Variants in GNAS-AS1 observed in about 807,000 individuals in gnomAD.
GNAS-AS1 encodes the protein GNAS antisense RNA 1.
chr20:58,833,023 G>A (rs534939349), intron 4 of GNAS-AS1, among the ~76,000 whole-genome samples: 3 of 152,246 alleles, frequency 2.0e-5, no homozygotes, highest in Non-Finnish European at 4.4e-5. Flanking sequence ...CAGGGACCCT[G>A]CACCATCTCC....
At position 58,830,449 on chromosome 20, in the gene GNAS-AS1, C is replaced by G. The variant is rs370193097; in HGVS notation, n.820-11194G>C. Among the ~76,000 whole-genome samples, 301 of 131,780 alleles carry G rather than the reference C, an allele frequency of 2.3e-3. 1 individual carries two copies. The highest frequency in any genetic ancestry group is 4.7e-3 in the Middle Eastern group (1 of 214). 86.5% of individuals were successfully genotyped at this position (131,780 alleles called of 152,430 possible). A position where few individuals can be genotyped will look rare whatever the true frequency, so the allele number is the denominator to read the frequency against. On this transcript the variant is annotated intron_variant and non_coding_transcript_variant, in intron 4 of 4. Coordinates refer to ENST00000424094, the Ensembl canonical transcript of GNAS-AS1. ...CGCCACACCACCATCATTACCACCA[C>G]CACCATCACCACCACCACACCACCA...
At chr20:58,842,657 G>GC (rs1179133064) in intron 2 of GNAS-AS1, 1 of 396,710 alleles carries the variant, frequency 2.5e-6, no homozygotes, top group Non-Finnish European at 4.4e-6. Context: ...CTTTTGGCTT[G>GC]CCCCTAAGTC....
rs2085688250 is a variant in GNAS-AS1, at chr20:58,840,868, C to G, written n.819+1069G>C. ...AATGGAGGACGCCGTCCAGATTCTC[C>G]TTGTTTTCATGGATTCAGGTTAGTT... On this transcript the variant is annotated intron_variant and non_coding_transcript_variant, in intron 4 of 4. Transcript: ENST00000424094. This position sits in a 1 kb window ranked among gnomAD's most constrained non-coding sequence, Gnocchi z 6.0. 6.2e-7 allele frequency: 1 copy of G among 1,612,682 alleles called. No individual in the cohort carries two copies. The highest frequency in any genetic ancestry group is 8.5e-7 in the Non-Finnish European group (1 of 1,179,970).
At chr20:58,830,645 A>AT (rs1162623083) in intron 4 of GNAS-AS1, among the ~76,000 whole-genome samples, 12 of 51,378 alleles carry the variant, frequency 2.3e-4, no homozygotes, top group South Asian at 1.5e-3. Flanking sequence ...CCACACCACC[A>AT]CACCACCATC....
chr20:58,826,027 T>G (rs1287761930), intron 4 of GNAS-AS1: 8 of 398,496 alleles, frequency 2.0e-5, no homozygotes, highest in Non-Finnish European at 3.5e-5. Flanking sequence ...TTGCTTACCT[T>G]TAGACGATGA....
intron 4 of GNAS-AS1, chr20:58,833,808 ATACC>A (rs2085583595): frequency 6.6e-6 from 1 of 152,160 alleles, no homozygotes; most frequent in Non-Finnish European, 1.5e-5. Context: ...TAACAAACAA[ATACC>A]TTAGAATTCT....
intron 1 of GNAS-AS1, chr20:58,850,449 G>A (rs1467033509): frequency 2.5e-6 from 1 of 397,774 alleles, no homozygotes. Context: ...GGGGGTGAGC[G>A]CGAGGCCTGA....
intron 2 of GNAS-AS1, among the ~76,000 whole-genome samples, chr20:58,848,666 CAGG>C (rs1284195944): frequency 6.6e-6 from 1 of 152,190 alleles, no homozygotes; most frequent in Non-Finnish European, 1.5e-5. Flanking sequence ...TATCAGCCTT[CAGG>C]AGGATCACCA....
intron 4 of GNAS-AS1, chr20:58,838,916 C>CAAAAAAAAAAAAAAAAAAAAAAA (rs766172876): frequency 5.0e-6 from 1 of 200,362 alleles, no homozygotes; most frequent in African/African-American, 5.9e-5. Flanking sequence ...GATTCTGTCT[C>CAAAAAAAAAAAAAAAAAAAAAAA]AAAAAAAAAA....
chr20:58,839,673 T>G, intron 4 of GNAS-AS1: 1 of 431,190 alleles, frequency 2.3e-6, no homozygotes, highest in Non-Finnish European at 4.1e-6. Context: ...GGCCCCCACC[T>G]CCTTACTGCA....
At chr20:58,833,396 C>T (rs1250740052) in intron 4 of GNAS-AS1, among the ~76,000 whole-genome samples, 1 of 152,172 alleles carries the variant, frequency 6.6e-6, no homozygotes, top group Non-Finnish European at 1.5e-5. Flanking sequence ...AATCACCAGC[C>T]TCCAGTGCAT....
chr20:58,835,319 T>C (rs1369694050), intron 4 of GNAS-AS1, among the ~76,000 whole-genome samples: 1 of 152,198 alleles, frequency 6.6e-6, no homozygotes, highest in Non-Finnish European at 1.5e-5. Context: ...TCCATTATCT[T>C]GAGTTTCATC....
chr20:58,842,325 T>C, intron 3 of GNAS-AS1: 1 of 397,930 alleles, frequency 2.5e-6, no homozygotes, highest in East Asian at 3.6e-5. Flanking sequence ...GGCTTAATTA[T>C]ACGGATGACA....
exon 1 of GNAS-AS1, chr20:58,850,625 C>T (rs951770688): frequency 5.0e-6 from 2 of 399,150 alleles, no homozygotes; most frequent in African/African-American, 4.1e-5. Context: ...GGTCCTGGCC[C>T]TCTACCTCCC....
At chr20:58,843,395 G>A (rs2085819540) in intron 2 of GNAS-AS1, 1 of 152,158 alleles carries the variant, frequency 6.6e-6, no homozygotes, top group African/African-American at 2.4e-5. Flanking sequence ...CTCTGCCTGA[G>A]AGACTGGTAC....
In GNAS-AS1 at chr20:58,825,200, G is replaced by A. The variant is rs369206464; in HGVS notation, n.820-5945C>T. ...CCCCGTTGAAACTCAACAGGCTTCC[G>A]CTGGTTGGAATGAGAACTCTTCCTA... is the stretch of plus-strand genomic sequence containing the variant. On this transcript the variant is annotated intron_variant and non_coding_transcript_variant, in intron 4 of 4. Transcript: ENST00000424094. Among the ~76,000 whole-genome samples the A allele has an allele frequency of 6.8e-4, 103 of 152,332 alleles. 1 individual carries two copies. Among genetic ancestry groups the A allele is most frequent in the Middle Eastern group, 3.4e-3 (1 of 294 alleles).
chr20:58,830,405 ACAC>A (rs1445845640), intron 4 of GNAS-AS1, among the ~76,000 whole-genome samples: 7 of 50,096 alleles, frequency 1.4e-4, no homozygotes, highest in Non-Finnish European at 2.6e-4. Flanking sequence ...CATCACTGCC[ACAC>A]CACCATCACC....
chr20:58,819,682 G>A (rs1390540212), intron 4 of GNAS-AS1, among the ~76,000 whole-genome samples: 2 of 152,210 alleles, frequency 1.3e-5, no homozygotes, highest in African/African-American at 4.8e-5. Context: ...TGGCTGGCCA[G>A]AGAAAGGAGG....
chr20:58,839,938 A>C lies in GNAS-AS1; in HGVS notation n.819+1999T>G, dbSNP rs1180250946. ...TTTAGAAAGTTCTTAAGTGGTCAGGAAGGTAGGTGCTTCCCTTTTTCTCCT... is the reference window on the plus strand; with the variant it reads ...TTTAGAAAGTTCTTAAGTGGTCAGGCAGGTAGGTGCTTCCCTTTTTCTCCT... On this transcript the variant is annotated intron_variant and non_coding_transcript_variant, in intron 4 of 4. Transcript: ENST00000424094. 4 of 663,638 alleles carry C rather than the reference A, an allele frequency of 6.0e-6. No individual in the cohort carries two copies. The African/African-American group carries it at 7.2e-5, about 12-fold the overall frequency. 41.1% of individuals were successfully genotyped at this position (663,638 alleles called of 1,614,324 possible).
Sources: allele counts gnomAD v4.1 joint callset (sites outside exome capture counted in the v4.1 genomes callset), GRCh38; gene constraint gnomAD v4.1.1; non-coding constraint Gnocchi (gnomAD v3.1); transcripts MANE v1.5; gene names NCBI Gene and HGNC (gene_info 2026-07-23, HGNC 2026-07-21).